Variants in CSK observed in about 807,000 individuals in gnomAD.
CSK encodes C-terminal Src kinase.
CSK carries 7 observed loss-of-function variants against 62.3 expected under a neutral mutation model. The ratio of observed to expected loss-of-function variants is 0.11; its 90% CI spans 0.06 to 0.21. CSK has a LOEUF of 0.21. Ranked by LOEUF, CSK falls within the 10% of genes least tolerant of loss-of-function variation. CSK has a pLI of 1.00. For missense variants in CSK, 294 were observed against 613.5 expected (o/e 0.48, Z 5.50); for synonymous variants, 237 against 246.0 (o/e 0.96, Z 0.34).
In CSK at chr15:74,802,596, G is replaced by C; in HGVS notation, c.*83G>C. On this transcript the variant is annotated 3_prime_UTR_variant, in exon 13 of 13. Coordinates refer to ENST00000220003, the MANE Select transcript of CSK (RefSeq NM_004383.3). ...CCTGGTGCCCCTGCTCACTGGGCCC[G>C]AGCCTGAACTGAGCCCCAGCGGGCT... 5.2e-6 allele frequency: 8 copies of C among 1,526,714 alleles called. No homozygotes were observed. The highest frequency in any genetic ancestry group is 1.2e-5 in the South Asian group (1 of 82,912). The allele number at this position is 1,526,714 out of a possible 1,614,324, so 94.6% of individuals were successfully genotyped here. A position where few individuals can be genotyped will look rare whatever the true frequency, so the allele number is the denominator to read the frequency against.
chr15:74,782,429 G>C lies in CSK; in HGVS notation c.-357G>C, dbSNP rs2063449165. ...GTTCCAAAATCGAACCTCAGTGGCGGCGCTCGGAAGCGGAACTCTGCCGGG... is the reference window on the plus strand; with the variant it reads ...GTTCCAAAATCGAACCTCAGTGGCGCCGCTCGGAAGCGGAACTCTGCCGGG... On this transcript the variant is annotated 5_prime_UTR_variant, in exon 1 of 13. Coordinates refer to ENST00000220003, the MANE Select transcript of CSK (RefSeq NM_004383.3). This position sits in a 1 kb window ranked among gnomAD's most constrained non-coding sequence, Gnocchi z 5.7. The C allele has an allele frequency of 6.6e-6, 1 of 151,740 alleles. No individual in the cohort carries two copies. Among genetic ancestry groups the C allele is most frequent in the Admixed American group, 6.6e-5 (1 of 15,262 alleles). 9.4% of individuals were successfully genotyped at this position (151,740 alleles called of 1,614,324 possible).
At position 74,795,668 on chromosome 15, in the gene CSK, G is replaced by T. The variant is rs544766516; in HGVS notation, c.-65-2565G>T. Among the ~76,000 whole-genome samples the T allele has an allele frequency of 7.9e-5, 12 of 152,294 alleles. No individual in the cohort carries two copies. In the East Asian group the frequency reaches 2.3e-3, roughly 29 times the overall value. ...CTCTCAGGGAATGGGGTTGGCTAGG[G>T]TAGCTTTTTTGGGGAGTCAACTTTA... On this transcript the variant is annotated intron_variant, in intron 1 of 12. Coordinates refer to ENST00000220003, the MANE Select transcript of CSK (RefSeq NM_004383.3).
In CSK at chr15:74,782,518, C is replaced by T. The variant is rs949889877; in HGVS notation, c.-268C>T. 2.8e-4 allele frequency: 39 copies of T among 137,658 alleles called. 1 individual carries two copies. The highest frequency in any genetic ancestry group is 9.7e-4 in the African/African-American group (37 of 38,320). 8.5% of individuals were successfully genotyped at this position (137,658 alleles called of 1,614,324 possible). A position where few individuals can be genotyped will look rare whatever the true frequency, so the allele number is the denominator to read the frequency against. On this transcript the variant is annotated 5_prime_UTR_variant, in exon 1 of 13. Transcript: ENST00000220003. The surrounding 1 kb of genome is among the most constrained non-coding windows in gnomAD (Gnocchi z 5.7). ...CCCGCCCCCTTCCCCCGCCTTTCTT[C>T]CCTCCGCGACCCGGGCCGTGCGTCC...
intron 1 of CSK, among the ~76,000 whole-genome samples, chr15:74,783,157 TGCAA>T (rs35116476): frequency 0.022 from 3,383 of 152,300 alleles, 132 homozygotes; most frequent in African/African-American, 0.078. Context: ...CCCTGCGGGC[TGCAA>T]GCAAGCCCAG....
Position 74,782,627 on chromosome 15 carries a change from C to T in CSK, c.-159C>T. ...GTACCGCACCCCCTGGGGACCCCTGCGCCCCTCCCCTCCCCCCTGACCGCA... is the reference window on the plus strand; with the variant it reads ...GTACCGCACCCCCTGGGGACCCCTGTGCCCCTCCCCTCCCCCCTGACCGCA... On this transcript the variant is annotated 5_prime_UTR_variant, in exon 1 of 13. Coordinates refer to ENST00000220003, the MANE Select transcript of CSK (RefSeq NM_004383.3). The surrounding 1 kb of genome is among the most constrained non-coding windows in gnomAD (Gnocchi z 5.7). The T allele has an allele frequency of 6.6e-6, 1 of 152,632 alleles. No individual in the cohort carries two copies. Among genetic ancestry groups the T allele is most frequent in the Non-Finnish European group, 1.5e-5 (1 of 68,366 alleles). 9.5% of individuals were successfully genotyped at this position (152,632 alleles called of 1,614,324 possible). A position where few individuals can be genotyped will look rare whatever the true frequency, so the allele number is the denominator to read the frequency against.
intron 1 of CSK, among the ~76,000 whole-genome samples, chr15:74,791,856 C>T (rs747680217): frequency 2.0e-5 from 3 of 152,160 alleles, no homozygotes; most frequent in Non-Finnish European, 4.4e-5. Flanking sequence ...AGTGTCCATG[C>T]GTCACCTTGC....
At position 74,802,481 on chromosome 15, in the gene CSK, G is replaced by A. The variant is rs1242489251; in HGVS notation, c.1321G>A (p.Glu441Lys). ...CTTCCTACAGCTCCGAGAGCAGCTT[G>A]AGCACATCAAAACCCACGAGCTGCA... ...PSFLQLREQL[E>K]HIKTHELHL Residue 441 changes from glutamate (E) to lysine (K), a missense_variant, in exon 13 of 13, where the codon GAG becomes AAG. Coordinates refer to ENST00000220003, the MANE Select transcript of CSK (RefSeq NM_004383.3). 4.3e-6 allele frequency: 7 copies of A among 1,612,792 alleles called. No individual in the cohort carries two copies. The highest frequency in any genetic ancestry group is 5.9e-6 in the Non-Finnish European group (7 of 1,179,794).
At chr15:74,790,521 C>G (rs1321778430) in intron 1 of CSK, among the ~76,000 whole-genome samples, 1 of 152,234 alleles carries the variant, frequency 6.6e-6, no homozygotes, top group East Asian at 1.9e-4. Flanking sequence ...TCCCGGGACC[C>G]CAGCACAAGG....
Sources: gnomAD v4.1 joint callset for allele counts (sites outside exome capture counted in the v4.1 genomes callset) on GRCh38, gnomAD v4.1.1 for gene constraint, Gnocchi (gnomAD v3.1) non-coding constraint, MANE v1.5 for transcripts, NCBI Gene and HGNC (gene_info 2026-07-23, HGNC 2026-07-21) for gene names.